GRIN2A: variants seen among roughly 807,000 people sequenced by gnomAD.
GRIN2A encodes glutamate receptor ionotropic, NMDA 2A.
A neutral mutation model predicts 113.4 loss-of-function variants in GRIN2A; 22 were observed. The observed-to-expected ratio is 0.19, with a 90% CI of 0.14 to 0.28. GRIN2A has a LOEUF of 0.28. Ranked by LOEUF, GRIN2A falls within the 10% of genes least tolerant of loss-of-function variation. GRIN2A has a pLI of 1.00. For missense variants in GRIN2A, 1,502 were observed against 1,887.0 expected (o/e 0.80, Z 3.78); for synonymous variants, 827 against 738.4 (o/e 1.12, Z -1.94).
intron 2 of GRIN2A, among the ~76,000 whole-genome samples, chr16:10,011,454 T>C (rs1333460931): frequency 6.6e-6 from 1 of 152,144 alleles, no homozygotes; most frequent in Non-Finnish European, 1.5e-5. Context: ...GGTCCATCAG[T>C]CTACGTGTCT....
chr16:9,926,596 A>C (rs974677141), intron 3 of GRIN2A, among the ~76,000 whole-genome samples: 2 of 152,224 alleles, frequency 1.3e-5, no homozygotes, highest in Non-Finnish European at 2.9e-5. Context: ...CTTAATAATC[A>C]TCAAGTTCTT....
intron 2 of GRIN2A, among the ~76,000 whole-genome samples, chr16:9,938,972 A>G (rs2044789149): frequency 6.6e-6 from 1 of 152,132 alleles, no homozygotes; most frequent in Admixed American, 6.5e-5. Context: ...GAGCCCCTAG[A>G]GTCTGCCAAG....
chr16:10,116,447 A>C (rs547437464), intron 2 of GRIN2A, among the ~76,000 whole-genome samples: 1 of 152,254 alleles, frequency 6.6e-6, no homozygotes, highest in East Asian at 1.9e-4. Context: ...TGTTCTGTAC[A>C]TGTATCCCAG....
chr16:10,123,826 T>C (rs2048877351), intron 2 of GRIN2A, among the ~76,000 whole-genome samples: 1 of 152,242 alleles, frequency 6.6e-6, no homozygotes, highest in African/African-American at 2.4e-5. Context: ...CTGTTTACCC[T>C]TTCTTACTGT....
At chr16:10,124,803 A>G (rs1302572824) in intron 2 of GRIN2A, among the ~76,000 whole-genome samples, 1 of 152,164 alleles carries the variant, frequency 6.6e-6, no homozygotes, top group East Asian at 1.9e-4. Flanking sequence ...GAACACATAC[A>G]AGTTAAAGTT....
intron 11 of GRIN2A, among the ~76,000 whole-genome samples, chr16:9,787,721 A>G (rs1902315669): frequency 6.6e-6 from 1 of 152,248 alleles, no homozygotes; most frequent in Non-Finnish European, 1.5e-5. Context: ...ACAAATATCT[A>G]TAACAATCAT....
intron 2 of GRIN2A, among the ~76,000 whole-genome samples, chr16:10,167,569 A>G (rs1284542143): frequency 6.6e-6 from 1 of 152,164 alleles, no homozygotes; most frequent in African/African-American, 2.4e-5. Flanking sequence ...TTCCATTCCA[A>G]TTAATATTTT....
chr16:9,787,146 T>C (rs1902278965), intron 11 of GRIN2A, among the ~76,000 whole-genome samples: 1 of 152,198 alleles, frequency 6.6e-6, no homozygotes, highest in Non-Finnish European at 1.5e-5. Flanking sequence ...ATATTCTCTA[T>C]TAACATAACA....
At chr16:9,967,132 C>T (rs903431087) in intron 2 of GRIN2A, among the ~76,000 whole-genome samples, 6 of 152,096 alleles carry the variant, frequency 3.9e-5, no homozygotes, top group Admixed American at 1.3e-4. Context: ...ATTCTTCCTG[C>T]GACTCTGTGG....
intron 4 of GRIN2A, among the ~76,000 whole-genome samples, chr16:9,857,444 C>T (rs2042988732): frequency 6.6e-6 from 1 of 152,102 alleles, no homozygotes; most frequent in African/African-American, 2.4e-5. Context: ...ACTAGTTAAC[C>T]TAAAAAGTTT....
chr16:9,769,631 G>C (rs527885553), intron 11 of GRIN2A, among the ~76,000 whole-genome samples: 48 of 151,978 alleles, frequency 3.2e-4, no homozygotes, highest in African/African-American at 1.2e-3. Flanking sequence ...TGGCCTCGGA[G>C]CTACAGTTAT....
intron 4 of GRIN2A, among the ~76,000 whole-genome samples, chr16:9,854,953 C>G (rs188315871): frequency 1.8e-3 from 279 of 151,892 alleles, no homozygotes; most frequent in African/African-American, 5.4e-3. Context: ...TGCCAAACTT[C>G]TGGTTATATT....
chr16:9,903,455 C>T (rs1233768934), intron 3 of GRIN2A, among the ~76,000 whole-genome samples: 1 of 152,174 alleles, frequency 6.6e-6, no homozygotes, highest in African/African-American at 2.4e-5. Context: ...CATTTATTGA[C>T]TTGATTCAAA....
chr16:9,769,271 T>C, intron 11 of GRIN2A, 182 bp from the exon 12 acceptor site: 1 of 554,456 alleles, frequency 1.8e-6, no homozygotes, highest in Non-Finnish European at 3.2e-6. Flanking sequence ...TTACATAGCC[T>C]ACCTAATATT....
intron 10 of GRIN2A, among the ~76,000 whole-genome samples, chr16:9,819,139 G>A (rs1400835211): frequency 1.3e-5 from 2 of 152,152 alleles, no homozygotes; most frequent in African/African-American, 2.4e-5. Flanking sequence ...ACTAGATGAG[G>A]AATAGTGTGC....
In GRIN2A at chr16:10,162,813, G is replaced by A. The variant is rs572295446; in HGVS notation, c.414+17185C>T. ...CATATCAGAGGGTTCTCCTACCCTC[G>A]GATGAAACCAGAGACGTGCTTCTTT... On this transcript the variant is annotated intron_variant, in intron 2 of 12. Transcript: ENST00000330684. 1.4e-4 allele frequency among the ~76,000 whole-genome samples: 21 copies of A among 152,236 alleles called. No individual in the cohort carries two copies. In the South Asian group the frequency reaches 2.9e-3, roughly 21 times the overall value.
chr16:9,756,441 A>C lies in GRIN2A; in HGVS notation c.*6708T>G, dbSNP rs1190039467. 8.7e-6 allele frequency: 2 copies of C among 230,052 alleles called. No homozygotes were observed. The highest frequency in any genetic ancestry group is 1.7e-5 in the Non-Finnish European group (2 of 116,024). The allele number at this position is 230,052 out of a possible 1,614,324, so 14.3% of individuals were successfully genotyped here. A position where few individuals can be genotyped will look rare whatever the true frequency, so the allele number is the denominator to read the frequency against. Reference sequence around the variant, plus strand: ...ACCCTAACAGACTTCCCTGTCACAGAGGCTGATACTCAAGGGTATATGCCC... The same window carrying C: ...ACCCTAACAGACTTCCCTGTCACAGCGGCTGATACTCAAGGGTATATGCCC... On this transcript the variant is annotated 3_prime_UTR_variant, in exon 13 of 13. Transcript: ENST00000330684.
chr16:9,931,983 T>C (rs2044604200), intron 3 of GRIN2A, among the ~76,000 whole-genome samples: 1 of 152,228 alleles, frequency 6.6e-6, no homozygotes, highest in South Asian at 2.1e-4. Context: ...GCTAGAGCTT[T>C]AAGCACCAGA....
chr16:10,017,974 G>A (rs1403966216), intron 2 of GRIN2A, among the ~76,000 whole-genome samples: 3 of 152,146 alleles, frequency 2.0e-5, no homozygotes, highest in African/African-American at 7.2e-5. Flanking sequence ...CACTGAAATG[G>A]TATTTACCTT....
Sources: allele counts gnomAD v4.1 joint callset (sites outside exome capture counted in the v4.1 genomes callset), GRCh38; gene constraint gnomAD v4.1.1; transcripts MANE v1.5; gene names NCBI Gene and HGNC (gene_info 2026-07-23, HGNC 2026-07-21).